Variants in DOCK7 observed in about 807,000 individuals in gnomAD.
DOCK7 encodes dedicator of cytokinesis protein 7.
Under a neutral mutation model 271.0 loss-of-function variants are expected in DOCK7, and 138 were observed. The ratio of observed to expected loss-of-function variants is 0.51; its 90% confidence interval spans 0.44 to 0.59. The LOEUF (loss-of-function observed/expected upper bound fraction) is 0.59. DOCK7 is among the 20% of genes least tolerant of loss of function. The pLI is 0.00. For synonymous variants in DOCK7, 823 were observed against 876.1 expected (o/e 0.94, Z 1.07); for missense variants, 2,066 against 2,592.4 (o/e 0.80, Z 4.41).
intron 29 of DOCK7, among the ~76,000 whole-genome samples, chr1:62,530,133 T>C (rs1251010813): frequency 1.3e-5 from 2 of 152,204 alleles, no homozygotes; most frequent in Non-Finnish European, 2.9e-5. Flanking sequence ...CAACTTTAAC[T>C]GGCCCTTAAT....
At chr1:62,481,149 A>G (rs1439291074) in intron 43 of DOCK7, among the ~76,000 whole-genome samples, 1 of 152,216 alleles carries the variant, frequency 6.6e-6, no homozygotes, top group African/African-American at 2.4e-5. Context: ...GGCAGAGGAA[A>G]GAGCCAGTGC....
At position 62,477,684 on chromosome 1, in the gene DOCK7, C is replaced by A; in HGVS notation, c.5634+16G>T. ...CAAACTAAAGATGACATTTTATGAA[C>A]CACCACAGCATTCACCTCCAATCTG... On this transcript the variant is annotated intron_variant, in intron 44 of 49. Coordinates refer to ENST00000635253, the MANE Select transcript of DOCK7 (RefSeq NM_001367561.1). 1.3e-6 allele frequency: 2 copies of A among 1,573,534 alleles called. No individual in the cohort carries two copies. The highest frequency in any genetic ancestry group is 1.7e-6 in the Non-Finnish European group (2 of 1,162,602).
In DOCK7 at chr1:62,595,561, T is replaced by C. The variant is rs535007568; in HGVS notation, c.1683-8937A>G. Among the ~76,000 whole-genome samples the C allele has an allele frequency of 2.6e-5, 4 of 152,272 alleles. No homozygotes were observed. In the East Asian group the frequency reaches 7.7e-4, roughly 29 times the overall value. On this transcript the variant is annotated intron_variant, in intron 14 of 49. Transcript: ENST00000635253. ...AATACTGCCTCTACTGTAACTATTA[T>C]ACCCAAAACCCTTAATCCTAAGTCA...
chr1:62,575,474 T>G (rs1488450868), intron 18 of DOCK7, among the ~76,000 whole-genome samples: 1 of 152,216 alleles, frequency 6.6e-6, no homozygotes, highest in South Asian at 2.1e-4. Flanking sequence ...CTTTCCTCTA[T>G]ATCACTTTAA....
rs796604917 is a variant in DOCK7, at chr1:62,655,996, A to AT, written c.145-1838dup. Among the ~76,000 whole-genome samples, 73 of 152,224 alleles carry AT rather than the reference A, an allele frequency of 4.8e-4. 1 individual carries two copies. The highest frequency in any genetic ancestry group is 1.6e-3 in the African/African-American group (68 of 41,538). On this transcript the variant is annotated intron_variant, in intron 2 of 49. Transcript: ENST00000635253. ...TTCGAGCTCTAAAATTTTTTCTATG[A>AT]TTTTTTCTCTCATAAGCCTTCTACC... is the stretch of plus-strand genomic sequence containing the variant.
chr1:62,509,081 G>C (rs761318861), intron 34 of DOCK7, among the ~76,000 whole-genome samples: 5 of 152,018 alleles, frequency 3.3e-5, no homozygotes, highest in Non-Finnish European at 5.9e-5. Flanking sequence ...AAAGCACTTT[G>C]AAAGGCTGAG....
intron 7 of DOCK7, among the ~76,000 whole-genome samples, chr1:62,642,370 C>T (rs987392916): frequency 6.6e-6 from 1 of 152,136 alleles, no homozygotes; most frequent in Non-Finnish European, 1.5e-5. Flanking sequence ...TCCCAAAGTG[C>T]TGGGATTATA....
At chr1:62,609,608 C>T (rs1018533746) in intron 14 of DOCK7, 1 of 152,208 alleles carries the variant, frequency 6.6e-6, no homozygotes, top group Non-Finnish European at 1.5e-5. Flanking sequence ...TCATTTTTCA[C>T]ATTCCTTTAA....
chr1:62,525,066 C>T (rs141771798), intron 31 of DOCK7, among the ~76,000 whole-genome samples: 3,252 of 150,794 alleles, frequency 0.022, 53 homozygotes, highest in Middle Eastern at 0.086. Flanking sequence ...AGTGCAGTGG[C>T]GCGATCTAGG....
chr1:62,506,491 GATGGAGTCTCA>G (rs1209002042), intron 35 of DOCK7, among the ~76,000 whole-genome samples: 23 of 150,786 alleles, frequency 1.5e-4, no homozygotes, highest in African/African-American at 5.6e-4. Context: ...TTGTTTTTGA[GATGGAGTCTCA>G]CTCTGTCACC....
intron 14 of DOCK7, among the ~76,000 whole-genome samples, chr1:62,617,628 A>C (rs2149583341): frequency 6.6e-6 from 1 of 152,158 alleles, no homozygotes; most frequent in East Asian, 1.9e-4. Flanking sequence ...CAGAAGTAAA[A>C]TATCTCAATA....
At chr1:62,509,147 C>A (rs1480582029) in intron 34 of DOCK7, among the ~76,000 whole-genome samples, 1 of 151,660 alleles carries the variant, frequency 6.6e-6, no homozygotes, top group Non-Finnish European at 1.5e-5. Context: ...CATGGCAAAA[C>A]CCTGTCTCTA....
Position 62,688,345 on chromosome 1 carries a change from G to A in DOCK7, c.-81C>T. ...GGCGGGCGCGTGCCTCCTCGCTCGT[G>A]CTCCCTCCCTCGCGGCCTCCGCCAG... On this transcript the variant is annotated 5_prime_UTR_variant, in exon 1 of 50. Coordinates refer to ENST00000635253, the MANE Select transcript of DOCK7 (RefSeq NM_001367561.1). 1 of 969,452 alleles carries A rather than the reference G, an allele frequency of 1.0e-6. No individual in the cohort carries two copies. The highest frequency in any genetic ancestry group is 1.3e-6 in the Non-Finnish European group (1 of 765,968). The allele number at this position is 969,452 out of a possible 1,614,324, so 60.1% of individuals were successfully genotyped here.
intron 23 of DOCK7, among the ~76,000 whole-genome samples, chr1:62,544,047 A>AT (rs1332016929): frequency 1.3e-5 from 2 of 152,184 alleles, no homozygotes; most frequent in Non-Finnish European, 2.9e-5. Flanking sequence ...ATACATGCAC[A>AT]TATCTAGTAA....
chr1:62,528,135 G>T lies in DOCK7; in HGVS notation c.3936+16C>A. On this transcript the variant is annotated intron_variant, in intron 31 of 49. Coordinates refer to ENST00000635253, the MANE Select transcript of DOCK7 (RefSeq NM_001367561.1). ...TCTTTCTAGAAAAAAAAATTCTGTA[G>T]GAGGATTGTTTTTACCGTTGACGTG... 1 of 1,594,432 alleles carries T rather than the reference G, an allele frequency of 6.3e-7. No individual in the cohort carries two copies. Among genetic ancestry groups the T allele is most frequent in the East Asian group, 2.2e-5 (1 of 44,450 alleles).
intron 1 of DOCK7, among the ~76,000 whole-genome samples, chr1:62,667,678 C>T (rs1329365326): frequency 1.3e-5 from 2 of 152,026 alleles, no homozygotes; most frequent in Non-Finnish European, 2.9e-5. Context: ...GATCACGTGA[C>T]TGCACTCCAG....
intron 35 of DOCK7, among the ~76,000 whole-genome samples, chr1:62,507,340 G>A (rs1013529288): frequency 2.6e-5 from 4 of 152,136 alleles, no homozygotes; most frequent in African/African-American, 7.2e-5. Context: ...TACTAGCTGC[G>A]TCATTATGGG....
At chr1:62,637,672 G>A (rs898011588) in intron 7 of DOCK7, among the ~76,000 whole-genome samples, 1 of 152,170 alleles carries the variant, frequency 6.6e-6, no homozygotes, top group African/African-American at 2.4e-5. Context: ...TTACATTAGG[G>A]TGAGACTTTA....
In DOCK7 at chr1:62,647,788, A is replaced by G; in HGVS notation, c.733-12T>C. ...TCTATTGGTTCTTCCTACAAATTGA[A>G]AAGCAACACCAAAATGAATATGCTT... On this transcript the variant is annotated splice_polypyrimidine_tract_variant and intron_variant, in intron 6 of 49. Transcript: ENST00000635253. The G allele has an allele frequency of 6.4e-7, 1 of 1,566,338 alleles. No individual in the cohort carries two copies. The highest frequency in any genetic ancestry group is 2.2e-5 in the East Asian group (1 of 44,506).
Sources: allele counts gnomAD v4.1 joint callset (sites outside exome capture counted in the v4.1 genomes callset), GRCh38; gene constraint gnomAD v4.1.1; transcripts MANE v1.5; gene names NCBI Gene and HGNC (gene_info 2026-07-23, HGNC 2026-07-21).